ADGRB3: variants seen among roughly 807,000 people sequenced by gnomAD.
ADGRB3 encodes the protein brain-specific angiogenesis inhibitor 3.
In ADGRB3, 37 loss-of-function variants were observed where a neutral mutation model predicts 193.4. That is an observed-to-expected ratio of 0.19 (90% CI 0.15 to 0.25). ADGRB3 has a LOEUF of 0.25. Ranked by LOEUF, ADGRB3 falls within the 10% of genes least tolerant of loss-of-function variation. The pLI is 1.00. For synonymous variants in ADGRB3, 690 were observed against 644.2 expected (o/e 1.07, Z -1.08); for missense variants, 1,637 against 1,852.9 (o/e 0.88, Z 2.14).
chr6:69,216,535 G>A (rs1765775588), intron 17 of ADGRB3, among the ~76,000 whole-genome samples: 1 of 152,144 alleles, frequency 6.6e-6, no homozygotes, highest in Non-Finnish European at 1.5e-5. Flanking sequence ...GTAAAACTAG[G>A]AGTGTGAAAA....
At chr6:68,643,003 C>T (rs1768116811) in intron 3 of ADGRB3, among the ~76,000 whole-genome samples, 1 of 152,110 alleles carries the variant, frequency 6.6e-6, no homozygotes, top group South Asian at 2.1e-4. Context: ...TTATTTCTTA[C>T]CACTTCATTT....
At chr6:69,188,670 A>G (rs1765116955) in intron 17 of ADGRB3, among the ~76,000 whole-genome samples, 1 of 152,064 alleles carries the variant, frequency 6.6e-6, no homozygotes, top group Admixed American at 6.5e-5. Context: ...TTTTTTTGGT[A>G]TCACTGCATG....
At chr6:68,754,212 A>T (rs1766257330) in intron 3 of ADGRB3, among the ~76,000 whole-genome samples, 1 of 152,238 alleles carries the variant, frequency 6.6e-6, no homozygotes, top group African/African-American at 2.4e-5. Context: ...ATCATGAGTT[A>T]GGCAGGATAG....
intron 3 of ADGRB3, among the ~76,000 whole-genome samples, chr6:68,735,364 A>T (rs952987738): frequency 6.6e-6 from 1 of 151,970 alleles, no homozygotes; most frequent in Non-Finnish European, 1.5e-5. Flanking sequence ...AATAGAGAAT[A>T]AAGTGATGAT....
intron 20 of ADGRB3, among the ~76,000 whole-genome samples, chr6:69,277,686 T>C (rs1343723110): frequency 6.6e-6 from 1 of 152,140 alleles, no homozygotes; most frequent in Non-Finnish European, 1.5e-5. Flanking sequence ...TTATTATTTG[T>C]ATTATCATTA....
At chr6:69,062,353 CTTAGATT>C (rs1014989028) in intron 15 of ADGRB3, among the ~76,000 whole-genome samples, 2 of 151,702 alleles carry the variant, frequency 1.3e-5, no homozygotes, top group Admixed American at 1.3e-4. Context: ...AAATGTCTTT[CTTAGATT>C]GAGAGTATTG....
intron 17 of ADGRB3, among the ~76,000 whole-genome samples, chr6:69,152,731 T>A (rs1474907593): frequency 3.9e-5 from 6 of 152,176 alleles, no homozygotes; most frequent in East Asian, 3.8e-4. Flanking sequence ...TTTAAGAAAA[T>A]TTTTAGTGGC....
chr6:68,790,641 G>C (rs910414098), intron 3 of ADGRB3, among the ~76,000 whole-genome samples: 13 of 152,160 alleles, frequency 8.5e-5, no homozygotes, highest in African/African-American at 2.4e-4. Flanking sequence ...AATATCTGCT[G>C]TTCTGCAGCC....
chr6:69,208,852 G>A (rs188941043), intron 17 of ADGRB3, among the ~76,000 whole-genome samples: 8 of 152,220 alleles, frequency 5.3e-5, no homozygotes, highest in Non-Finnish European at 1.0e-4. Flanking sequence ...CCATTTTATG[G>A]CTTGATGGGT....
At chr6:68,790,524 T>A (rs1044559890) in intron 3 of ADGRB3, among the ~76,000 whole-genome samples, 1 of 152,066 alleles carries the variant, frequency 6.6e-6, no homozygotes, top group Admixed American at 6.5e-5. Context: ...GTAGCCTAAC[T>A]GGGAGGCACC....
chr6:68,892,011 C>T (rs1766091462), intron 3 of ADGRB3, among the ~76,000 whole-genome samples: 1 of 152,130 alleles, frequency 6.6e-6, no homozygotes. Flanking sequence ...GTCTGGTTTC[C>T]AGCAATCACA....
intron 17 of ADGRB3, among the ~76,000 whole-genome samples, chr6:69,119,140 G>A (rs957169814): frequency 2.6e-5 from 4 of 152,168 alleles, no homozygotes; most frequent in African/African-American, 4.8e-5. Context: ...TTACATAGAA[G>A]TCAGAAACTA....
chr6:68,966,956 G>C lies in ADGRB3; in HGVS notation c.1526-7807G>C, dbSNP rs368513761. ...TAATGTCTAAAGCTATTTTGCTTTTGGTATAAGCATAAATCGACCTATTTT... is the reference window on the plus strand; with the variant it reads ...TAATGTCTAAAGCTATTTTGCTTTTCGTATAAGCATAAATCGACCTATTTT... On this transcript the variant is annotated intron_variant, in intron 8 of 31. Transcript: ENST00000370598. Among the ~76,000 whole-genome samples, 90 of 152,188 alleles carry C rather than the reference G, an allele frequency of 5.9e-4. 1 individual carries two copies. The highest frequency in any genetic ancestry group is 5.0e-3 in the South Asian group (24 of 4,810).
At chr6:69,228,115 G>T (rs752395621) in intron 17 of ADGRB3, among the ~76,000 whole-genome samples, 1 of 152,106 alleles carries the variant, frequency 6.6e-6, no homozygotes, top group Admixed American at 6.5e-5. Flanking sequence ...AAATGAGCCG[G>T]GTGCAGTGGC....
intron 8 of ADGRB3, among the ~76,000 whole-genome samples, chr6:68,959,393 T>G (rs2150258100): frequency 6.6e-6 from 1 of 152,290 alleles, no homozygotes; most frequent in Admixed American, 6.5e-5. Flanking sequence ...CTTTTTCTAG[T>G]ATTATTTTTA....
chr6:69,127,500 C>T (rs532015050), intron 17 of ADGRB3, among the ~76,000 whole-genome samples: 8 of 152,208 alleles, frequency 5.3e-5, no homozygotes, highest in East Asian at 3.9e-4. Flanking sequence ...GCTTCAATTC[C>T]GATTTCTATT....
chr6:69,189,064 T>C (rs1765129468), intron 17 of ADGRB3, among the ~76,000 whole-genome samples: 1 of 152,222 alleles, frequency 6.6e-6, no homozygotes. Flanking sequence ...CTCTGTGAAA[T>C]GATAACCAAT....
chr6:68,816,151 A>T (rs2069742042), intron 3 of ADGRB3, among the ~76,000 whole-genome samples: 1 of 152,074 alleles, frequency 6.6e-6, no homozygotes, highest in South Asian at 2.1e-4. Context: ...GTTAATTTCA[A>T]ATTTAAAAAT....
At chr6:69,193,455 A>G (rs1050674787) in intron 17 of ADGRB3, among the ~76,000 whole-genome samples, 4 of 152,128 alleles carry the variant, frequency 2.6e-5, no homozygotes, top group African/African-American at 9.7e-5. Flanking sequence ...CGGCATCTAT[A>G]CTTTTATTCA....
Sources: allele counts gnomAD v4.1 joint callset (sites outside exome capture counted in the v4.1 genomes callset), GRCh38; gene constraint gnomAD v4.1.1; transcripts MANE v1.5; gene names NCBI Gene and HGNC (gene_info 2026-07-23, HGNC 2026-07-21).